Variants in PCDHA2 observed in about 807,000 individuals in gnomAD.
PCDHA2 encodes protocadherin alpha 2.
Under a neutral mutation model 66.0 loss-of-function variants are expected in PCDHA2, and 58 were observed. The ratio of observed to expected loss-of-function variants is 0.88; its 90% confidence interval spans 0.71 to 1.09. The LOEUF (loss-of-function observed/expected upper bound fraction) is 1.09, where lower values mean the gene tolerates loss of function less well. Among genes scored for constraint, PCDHA2 ranks in the 50% least tolerant of loss-of-function variants. The pLI, the probability that PCDHA2 is intolerant of heterozygous loss-of-function variation, is 0.00. For synonymous variants in PCDHA2, 634 were observed against 554.0 expected, an observed-to-expected ratio of 1.14 and a Z score of -2.03; for missense variants, 1,267 against 1,242.3, an observed-to-expected ratio of 1.02 and a Z score of -0.30.
At chr5:140,807,119 A>T in intron 1 of PCDHA2, 2 of 1,531,128 alleles carry the variant, frequency 1.3e-6, no homozygotes, top group Non-Finnish European at 1.8e-6. Context: ...CACTTGACTG[A>T]CCGATTAAAA....
chr5:140,852,671 T>C (rs1371221007), intron 1 of PCDHA2: 3 of 965,758 alleles, frequency 3.1e-6, no homozygotes, highest in East Asian at 1.1e-4. Context: ...TCAGCACAAC[T>C]CACCTTGAAT....
chr5:140,867,619 C>T (rs1554161426), intron 1 of PCDHA2: 3 of 152,174 alleles, frequency 2.0e-5, no homozygotes, highest in South Asian at 4.1e-4. Flanking sequence ...AACTATAGAA[C>T]AAAATATTTA....
At chr5:140,898,211 A>G (rs1554187859) in intron 1 of PCDHA2, among the ~76,000 whole-genome samples, 2 of 152,100 alleles carry the variant, frequency 1.3e-5, no homozygotes, top group African/African-American at 4.8e-5. Context: ...CCATTTGTCA[A>G]TTTTGGCTTT....
At chr5:140,822,479 A>C in intron 1 of PCDHA2, 1 of 1,613,856 alleles carries the variant, frequency 6.2e-7, no homozygotes, top group East Asian at 2.2e-5. Context: ...TTGGATGCTA[A>C]TGATAACGCC....
At position 140,797,511 on chromosome 5, in the gene PCDHA2, C is replaced by T. The variant is rs971529071; in HGVS notation, c.2388+159C>T. 11 of 868,494 alleles carry T rather than the reference C, an allele frequency of 1.3e-5. No homozygotes were observed. The African/African-American group carries it at 1.9e-4, about 15-fold the overall frequency. 53.8% of individuals were successfully genotyped at this position (868,494 alleles called of 1,614,324 possible). A position where few individuals can be genotyped will look rare whatever the true frequency, so the allele number is the denominator to read the frequency against. On this transcript the variant is annotated intron_variant, in intron 1 of 3. Coordinates refer to ENST00000526136, the MANE Select transcript of PCDHA2 (RefSeq NM_018905.3). ...ATTAGAGATCAATTTATTGCATTTA[C>T]TGAACAATTTATTTAAACAATCTAC...
chr5:140,807,450 C>A (rs1554124019), intron 1 of PCDHA2: 1 of 1,606,840 alleles, frequency 6.2e-7, no homozygotes, highest in Admixed American at 1.7e-5. Context: ...TTTGTGAATT[C>A]TCGGATCGAC....
chr5:140,997,785 A>G (rs537383326), intron 3 of PCDHA2, among the ~76,000 whole-genome samples: 2 of 152,218 alleles, frequency 1.3e-5, no homozygotes, highest in Admixed American at 1.3e-4. Flanking sequence ...GTATACCTAT[A>G]TTATAATTTA....
intron 1 of PCDHA2, chr5:140,853,507 A>G (rs762597106): frequency 6.1e-6 from 6 of 977,198 alleles, no homozygotes; most frequent in South Asian, 4.8e-5. Context: ...TCATGAAACA[A>G]TAATGAAGCT....
At position 140,972,838 on chromosome 5, in the gene PCDHA2, A is replaced by G. The variant is rs181315236; in HGVS notation, c.2389-6111A>G. Among the ~76,000 whole-genome samples the G allele has an allele frequency of 2.0e-4, 30 of 151,814 alleles. No individual in the cohort carries two copies. In the East Asian group the frequency reaches 5.8e-3, roughly 30 times the overall value. The stretch of plus-strand genomic sequence containing the variant: ...GCCACCACGCCTGGCTAATTTTTGT[A>G]TTTTTAGTAGAGATGGGGTTTCATC... On this transcript the variant is annotated intron_variant, in intron 1 of 3. Transcript: ENST00000526136.
At chr5:140,946,516 C>T (rs551838143) in intron 1 of PCDHA2, among the ~76,000 whole-genome samples, 42 of 151,130 alleles carry the variant, frequency 2.8e-4, no homozygotes, top group African/African-American at 8.3e-4. Flanking sequence ...AAGACCTATC[C>T]GCACTCCCAT....
chr5:140,905,948 G>A (rs2072228532), intron 1 of PCDHA2, among the ~76,000 whole-genome samples: 3 of 152,180 alleles, frequency 2.0e-5, no homozygotes, highest in Non-Finnish European at 4.4e-5. Flanking sequence ...CTTGGAATCC[G>A]ATGTTCAAGG....
At chr5:140,941,099 TATTACTGG>T (rs1174229664) in intron 1 of PCDHA2, among the ~76,000 whole-genome samples, 5 of 152,146 alleles carry the variant, frequency 3.3e-5, no homozygotes, top group Non-Finnish European at 1.5e-5. Context: ...TTTCACATAC[TATTACTGG>T]AAAGATTAGT....
At chr5:140,864,310 A>G (rs2048415201) in intron 1 of PCDHA2, 1 of 152,166 alleles carries the variant, frequency 6.6e-6, no homozygotes, top group African/African-American at 2.4e-5. Flanking sequence ...TACCATGACA[A>G]TATTTAATAT....
At position 140,809,049 on chromosome 5, in the gene PCDHA2, C is replaced by T. The variant is rs782208317; in HGVS notation, c.2388+11697C>T. On this transcript the variant is annotated intron_variant, in intron 1 of 3. Coordinates refer to ENST00000526136, the MANE Select transcript of PCDHA2 (RefSeq NM_018905.3). The stretch of plus-strand genomic sequence containing the variant: ...CCGGGGACTGGTGGCGCGCGCATCC[C>T]GTTCCGCGTGGGGCTGTACACTGGC... 8.1e-6 allele frequency: 13 copies of T among 1,613,752 alleles called. No individual in the cohort carries two copies. Among genetic ancestry groups the T allele is most frequent in the Middle Eastern group, 1.6e-4 (1 of 6,084 alleles).
intron 1 of PCDHA2, among the ~76,000 whole-genome samples, chr5:140,874,132 A>C (rs181983769): frequency 1.3e-5 from 2 of 152,240 alleles, no homozygotes; most frequent in East Asian, 3.8e-4. Flanking sequence ...TATTTAAGTT[A>C]TCTTATACTT....
chr5:140,932,203 T>C (rs1415160763), intron 1 of PCDHA2, among the ~76,000 whole-genome samples: 1 of 151,924 alleles, frequency 6.6e-6, no homozygotes, highest in Non-Finnish European at 1.5e-5. Context: ...TCTGTTAATA[T>C]TCTTGATGGG....
chr5:140,901,690 T>C (rs566618023), intron 1 of PCDHA2, among the ~76,000 whole-genome samples: 22 of 152,340 alleles, frequency 1.4e-4, no homozygotes, highest in African/African-American at 5.3e-4. Flanking sequence ...ATGGGTATTT[T>C]GTAGTTCTAT....
chr5:140,926,713 C>T (rs1018008271), intron 1 of PCDHA2: 2 of 944,684 alleles, frequency 2.1e-6, no homozygotes, highest in Non-Finnish European at 2.9e-6. Context: ...CTGGCCAGCC[C>T]CGGCAATGCC....
chr5:140,986,758 G>A (rs1242772553), intron 3 of PCDHA2, among the ~76,000 whole-genome samples: 1 of 152,194 alleles, frequency 6.6e-6, no homozygotes, highest in Non-Finnish European at 1.5e-5. Context: ...ACTAAACAGT[G>A]AAAGATTAAT....
Sources: gnomAD v4.1 joint callset for allele counts (sites outside exome capture counted in the v4.1 genomes callset) on GRCh38, gnomAD v4.1.1 for gene constraint, MANE v1.5 for transcripts, NCBI Gene and HGNC (gene_info 2026-07-23, HGNC 2026-07-21) for gene names.